The following SETBP1 variants were observed in gnomAD, a reference collection of about 807,000 sequenced individuals.
SETBP1 encodes the protein SET binding protein 1.
In SETBP1, 9 loss-of-function variants were observed where a neutral mutation model predicts 101.0. That is an observed-to-expected ratio of 0.09 (90% confidence interval 0.05 to 0.16). The LOEUF (loss-of-function observed/expected upper bound fraction) is 0.16, where lower values mean the gene tolerates loss of function less well. SETBP1 is among the 10% of genes least tolerant of loss of function. The probability of loss-of-function intolerance (pLI) is 1.00; values close to 1 mark genes in which losing one functional copy is unlikely to be tolerated. For missense variants in SETBP1, 1,858 were observed against 2,033.8 expected (o/e 0.91, Z 1.66); for synonymous variants, 818 against 788.5 (o/e 1.04, Z -0.63).
intron 2 of SETBP1, among the ~76,000 whole-genome samples, chr18:44,740,967 A>G (rs555233646): frequency 4.1e-4 from 62 of 152,334 alleles, no homozygotes; most frequent in African/African-American, 1.4e-3. Context: ...GGCCTGCTAT[A>G]TCTTGCATTG....
intron 3 of SETBP1, chr18:44,877,112 C>T (rs981768228): frequency 2.9e-5 from 29 of 1,008,340 alleles, no homozygotes; most frequent in Non-Finnish European, 3.4e-5. Context: ...TGGATCTTTG[C>T]TCTCTTACCC....
intron 2 of SETBP1, among the ~76,000 whole-genome samples, chr18:44,792,717 TG>T (rs766113383): frequency 8.6e-4 from 131 of 152,230 alleles, no homozygotes; most frequent in Non-Finnish European, 1.6e-3. Context: ...TGATGTTGGC[TG>T]GTTTTAGAAG....
intron 2 of SETBP1, among the ~76,000 whole-genome samples, chr18:44,843,417 C>A (rs1402978974): frequency 6.6e-6 from 1 of 152,216 alleles, no homozygotes; most frequent in African/African-American, 2.4e-5. Context: ...CCTGCCGCTC[C>A]CCAGATGACC....
chr18:44,978,877 G>C (rs570977850), intron 4 of SETBP1, among the ~76,000 whole-genome samples: 1 of 152,072 alleles, frequency 6.6e-6, no homozygotes, highest in Non-Finnish European at 1.5e-5. Context: ...TAATGATCCC[G>C]GATGTCTTAA....
intron 3 of SETBP1, among the ~76,000 whole-genome samples, chr18:44,947,492 CTTTT>C (rs58509226): frequency 8.8e-6 from 1 of 114,210 alleles, no homozygotes; most frequent in East Asian, 2.8e-4. Context: ...GTTTGTCCCA[CTTTT>C]TTTTTTTTTT....
At chr18:44,837,054 G>T (rs1410392205) in intron 2 of SETBP1, among the ~76,000 whole-genome samples, 2 of 152,188 alleles carry the variant, frequency 1.3e-5, no homozygotes, top group East Asian at 3.8e-4. Flanking sequence ...ATTGCAAAGG[G>T]CAGGAAGGGC....
rs2073950525 is a variant in SETBP1, at chr18:45,065,183, A to C, written c.*1485A>C. 1 of 152,198 alleles carries C rather than the reference A, an allele frequency of 6.6e-6. No homozygotes were observed. The highest frequency in any genetic ancestry group is 1.5e-5 in the Non-Finnish European group (1 of 68,034). 9.4% of individuals were successfully genotyped at this position (152,198 alleles called of 1,614,324 possible). A position where few individuals can be genotyped will look rare whatever the true frequency, so the allele number is the denominator to read the frequency against. Reference sequence around the variant, plus strand: ...TCTCTATTATCCATTTCCACAGCCCAAATAAAATATGTTAAGCAGGCTCAG... The same window carrying C: ...TCTCTATTATCCATTTCCACAGCCCCAATAAAATATGTTAAGCAGGCTCAG... On this transcript the variant is annotated 3_prime_UTR_variant, in exon 6 of 6. Coordinates refer to ENST00000649279, the MANE Select transcript of SETBP1 (RefSeq NM_015559.3).
Position 44,933,887 on chromosome 18 carries a change from C to T in SETBP1, c.541-15994C>T, listed in dbSNP as rs115301304. 5.2e-3 allele frequency among the ~76,000 whole-genome samples: 789 copies of T among 152,268 alleles called. 2 individuals carry two copies. The highest frequency in any genetic ancestry group is 0.018 in the African/African-American group (728 of 41,558). On this transcript the variant is annotated intron_variant, in intron 3 of 5. Coordinates refer to ENST00000649279, the MANE Select transcript of SETBP1 (RefSeq NM_015559.3). Reference sequence around the variant, plus strand: ...GCTAGGAAAGGAAATTCCCCAACCCCTTATGCCTCCCAGGTGAGGCGATGC... The same window carrying T: ...GCTAGGAAAGGAAATTCCCCAACCCTTTATGCCTCCCAGGTGAGGCGATGC...
intron 2 of SETBP1, among the ~76,000 whole-genome samples, chr18:44,789,784 C>G (rs2071331316): frequency 1.3e-5 from 2 of 152,194 alleles, no homozygotes; most frequent in Non-Finnish European, 2.9e-5. Flanking sequence ...GCATAGTAAA[C>G]TCACTCCTCC....
At chr18:44,809,472 A>G (rs1387468877) in intron 2 of SETBP1, among the ~76,000 whole-genome samples, 1 of 152,218 alleles carries the variant, frequency 6.6e-6, no homozygotes, top group Non-Finnish European at 1.5e-5. Context: ...AGGAAAATTC[A>G]TCTGAAATCC....
At position 45,023,495 on chromosome 18, in the gene SETBP1, A is replaced by G. The variant is rs1030066958; in HGVS notation, c.4001-14990A>G. ...CAGTAGGCACTGAAACTTTTACTGA[A>G]TAAATTAACACGTGCACAAAACTGC... On this transcript the variant is annotated intron_variant, in intron 4 of 5. Transcript: ENST00000649279. Among the ~76,000 whole-genome samples, 43 of 152,234 alleles carry G rather than the reference A, an allele frequency of 2.8e-4. 1 individual carries two copies. Among genetic ancestry groups the G allele is most frequent in the Admixed American group, 7.9e-4 (12 of 15,286 alleles).
At chr18:44,855,344 TA>T (rs1295463121) in intron 2 of SETBP1, among the ~76,000 whole-genome samples, 1 of 152,274 alleles carries the variant, frequency 6.6e-6, no homozygotes, top group African/African-American at 2.4e-5. Flanking sequence ...CCCTACATCC[TA>T]AAAAAATAAA....
intron 3 of SETBP1, among the ~76,000 whole-genome samples, chr18:44,928,028 C>A (rs1465161451): frequency 6.6e-6 from 1 of 151,536 alleles, no homozygotes; most frequent in Non-Finnish European, 1.5e-5. Flanking sequence ...TGTGCTGCAT[C>A]CATTAACTCG....
At chr18:44,854,978 A>T (rs556574332) in intron 2 of SETBP1, among the ~76,000 whole-genome samples, 1 of 152,234 alleles carries the variant, frequency 6.6e-6, no homozygotes, top group African/African-American at 2.4e-5. Flanking sequence ...TCATGTCAGT[A>T]ACTTTGCACA....
chr18:44,749,117 C>T (rs906090679), intron 2 of SETBP1, among the ~76,000 whole-genome samples: 3 of 152,164 alleles, frequency 2.0e-5, no homozygotes, highest in Non-Finnish European at 4.4e-5. Flanking sequence ...AAGCCTTCTT[C>T]CCCCTTTCCA....
At chr18:44,709,928 G>A (rs988076204) in intron 2 of SETBP1, among the ~76,000 whole-genome samples, 1 of 147,766 alleles carries the variant, frequency 6.8e-6, no homozygotes, top group African/African-American at 2.5e-5. Flanking sequence ...CGGGATTACT[G>A]CTGAGCACAA....
At chr18:44,975,554 C>T (rs2071967557) in intron 4 of SETBP1, among the ~76,000 whole-genome samples, 1 of 152,120 alleles carries the variant, frequency 6.6e-6, no homozygotes, top group African/African-American at 2.4e-5. Flanking sequence ...TATCCTAAAA[C>T]TAATTCAGCA....
At chr18:44,917,933 C>T (rs2070478956) in intron 3 of SETBP1, among the ~76,000 whole-genome samples, 1 of 152,168 alleles carries the variant, frequency 6.6e-6, no homozygotes, top group Non-Finnish European at 1.5e-5. Context: ...GCCCCCACCA[C>T]AGCGAGCTTG....
intron 3 of SETBP1, among the ~76,000 whole-genome samples, chr18:44,902,454 A>T (rs2144837463): frequency 8.2e-6 from 1 of 121,700 alleles, no homozygotes; most frequent in Middle Eastern, 4.1e-3. Flanking sequence ...GATATCAGCT[A>T]GTGCAAGAGA....
Sources: allele counts gnomAD v4.1 joint callset (sites outside exome capture counted in the v4.1 genomes callset), GRCh38; gene constraint gnomAD v4.1.1; transcripts MANE v1.5; gene names NCBI Gene and HGNC (gene_info 2026-07-23, HGNC 2026-07-21).